Variants in FUT9 observed in about 807,000 individuals in gnomAD.
FUT9 encodes the protein fucosyltransferase 9.
A neutral mutation model predicts 29.7 loss-of-function variants in FUT9; 15 were observed. That is an observed-to-expected ratio of 0.51 (90% CI 0.34 to 0.78). The LOEUF (loss-of-function observed/expected upper bound fraction) is 0.78, where lower values mean the gene tolerates loss of function less well. Among genes scored for constraint, FUT9 ranks in the 30% least tolerant of loss-of-function variants. The probability of loss-of-function intolerance (pLI) is 0.01; values close to 1 mark genes in which losing one functional copy is unlikely to be tolerated. For synonymous variants in FUT9, 169 were observed against 153.7 expected, an observed-to-expected ratio of 1.10 and a Z score of -0.74; for missense variants, 319 against 425.4, an observed-to-expected ratio of 0.75 and a Z score of 2.20.
intron 1 of FUT9, among the ~76,000 whole-genome samples, chr6:96,106,248 T>TTCCTTCCTTCCTTCCTTCCTTCCTTC (rs1562126417): frequency 2.6e-5 from 4 of 151,582 alleles, no homozygotes; most frequent in Admixed American, 6.6e-5. Flanking sequence ...CCTTCCTTCA[T>TTCCTTCCTTCCTTCCTTCCTTCCTTC]CTTCTTAATG....
chr6:96,076,524 C>T (rs920047605), intron 1 of FUT9, among the ~76,000 whole-genome samples: 5 of 152,116 alleles, frequency 3.3e-5, no homozygotes, highest in Non-Finnish European at 1.5e-5. Flanking sequence ...AGCATTTCGC[C>T]ATGTGAGATA....
chr6:96,110,742 A>G (rs1391051337), intron 1 of FUT9, among the ~76,000 whole-genome samples: 1 of 152,014 alleles, frequency 6.6e-6, no homozygotes, highest in Non-Finnish European at 1.5e-5. Flanking sequence ...TATAACCTCA[A>G]ACTCCTGGGC....
chr6:96,016,808 G>A (rs539705087), intron 1 of FUT9, among the ~76,000 whole-genome samples: 2 of 152,296 alleles, frequency 1.3e-5, no homozygotes, highest in African/African-American at 4.8e-5. Flanking sequence ...GACACGCTGT[G>A]ATCCTGGTTT....
At chr6:96,191,125 C>A (rs1024846720) in intron 2 of FUT9, among the ~76,000 whole-genome samples, 3 of 152,034 alleles carry the variant, frequency 2.0e-5, no homozygotes, top group African/African-American at 7.2e-5. Flanking sequence ...ACAGTCAAGA[C>A]CCTCAGCTGC....
At chr6:96,175,333 T>C (rs1773184761) in intron 2 of FUT9, among the ~76,000 whole-genome samples, 1 of 152,190 alleles carries the variant, frequency 6.6e-6, no homozygotes. Context: ...AAGGTAAGGC[T>C]TTGTATTTTT....
intron 2 of FUT9, among the ~76,000 whole-genome samples, chr6:96,137,015 A>G (rs1365458276): frequency 1.3e-5 from 2 of 151,956 alleles, no homozygotes; most frequent in African/African-American, 4.8e-5. Flanking sequence ...AATCTTTGAC[A>G]TTTACCTTTT....
intron 1 of FUT9, among the ~76,000 whole-genome samples, chr6:96,069,610 TA>T (rs1050276361): frequency 5.0e-5 from 5 of 99,392 alleles, no homozygotes; most frequent in Non-Finnish European, 4.4e-5. Flanking sequence ...AACAAACTAT[TA>T]TTTTTTTATT....
chr6:96,061,421 G>T lies in FUT9; in HGVS notation c.-98+45209G>T, dbSNP rs542789003. 2.0e-5 allele frequency among the ~76,000 whole-genome samples: 3 copies of T among 150,428 alleles called. No individual in the cohort carries two copies. In the East Asian group the frequency reaches 5.9e-4, roughly 30 times the overall value. ...TTTTTAGTATTCCTAGTTTCTCATG[G>T]GTATAGTTTTACAAACGCTTTCATT... On this transcript the variant is annotated intron_variant, in intron 1 of 2. Transcript: ENST00000302103.
intron 1 of FUT9, among the ~76,000 whole-genome samples, chr6:96,041,436 G>A (rs1770456994): frequency 6.6e-6 from 1 of 152,076 alleles, no homozygotes; most frequent in Admixed American, 6.6e-5. Context: ...TTCCCTGAAT[G>A]TAAACAGACA....
intron 2 of FUT9, among the ~76,000 whole-genome samples, chr6:96,129,629 A>G (rs1285087798): frequency 6.6e-6 from 1 of 152,076 alleles, no homozygotes. Context: ...AAAAGGATAT[A>G]TGACACACTG....
intron 1 of FUT9, among the ~76,000 whole-genome samples, chr6:96,047,932 A>C (rs555203012): frequency 1.3e-5 from 2 of 152,318 alleles, no homozygotes; most frequent in African/African-American, 4.8e-5. Context: ...TCAGAAGTCC[A>C]ACTCAGGTCT....
Position 96,215,214 on chromosome 6 carries a change from A to G in FUT9, c.*10979A>G, listed in dbSNP as rs1160755392. 6.0e-6 allele frequency: 1 copy of G among 167,048 alleles called. No homozygotes were observed. The highest frequency in any genetic ancestry group is 2.4e-5 in the African/African-American group (1 of 41,448). The allele number at this position is 167,048 out of a possible 1,614,324, so 10.3% of individuals were successfully genotyped here. The stretch of plus-strand genomic sequence containing the variant: ...AAAATCTGTATATTCAGCTATTTGG[A>G]GAACTCGTGTTTTCCACAAATTAAA... On this transcript the variant is annotated 3_prime_UTR_variant, in exon 3 of 3. Transcript: ENST00000302103.
chr6:96,146,586 CT>C (rs1384819977), intron 2 of FUT9, among the ~76,000 whole-genome samples: 1 of 152,020 alleles, frequency 6.6e-6, no homozygotes, highest in Non-Finnish European at 1.5e-5. Flanking sequence ...TTTGCTTTTC[CT>C]TTTTAGAACT....
rs1773804224 is a variant in FUT9, at chr6:96,205,130, A to G, written c.*895A>G. On this transcript the variant is annotated 3_prime_UTR_variant, in exon 3 of 3. Transcript: ENST00000302103. ...ATGTTTAATTATGTATCAATTTAAG[A>G]TTTTTTTCTGAAGCCCTAATATTTA... The G allele has an allele frequency of 1.2e-5, 2 of 166,862 alleles. No individual in the cohort carries two copies. The highest frequency in any genetic ancestry group is 4.8e-5 in the African/African-American group (2 of 41,420). The allele number at this position is 166,862 out of a possible 1,614,324, so 10.3% of individuals were successfully genotyped here.
intron 1 of FUT9, among the ~76,000 whole-genome samples, chr6:96,058,584 G>A (rs561071341): frequency 1.5e-4 from 22 of 151,650 alleles, no homozygotes; most frequent in African/African-American, 5.3e-4. Context: ...AAAGCTAAAT[G>A]CATAATAATT....
intron 1 of FUT9, among the ~76,000 whole-genome samples, chr6:96,045,777 C>T (rs1770552336): frequency 6.6e-6 from 1 of 152,194 alleles, no homozygotes; most frequent in Non-Finnish European, 1.5e-5. Context: ...GAAGTTATCA[C>T]CATGCTGCAA....
chr6:96,173,685 A>G (rs1219951605), intron 2 of FUT9, among the ~76,000 whole-genome samples: 1 of 152,152 alleles, frequency 6.6e-6, no homozygotes, highest in Non-Finnish European at 1.5e-5. Context: ...AGAATTTGGC[A>G]AGATGAAACA....
At chr6:96,099,518 T>A (rs1281958699) in intron 1 of FUT9, among the ~76,000 whole-genome samples, 2 of 152,130 alleles carry the variant, frequency 1.3e-5, no homozygotes, top group Non-Finnish European at 2.9e-5. Context: ...TGCCAATGTT[T>A]CCATTCATAG....
intron 2 of FUT9, among the ~76,000 whole-genome samples, chr6:96,142,750 A>G (rs1161373200): frequency 6.6e-6 from 1 of 152,156 alleles, no homozygotes; most frequent in African/African-American, 2.4e-5. Context: ...GTTTATGCTT[A>G]AAAATATTTT....
Sources: gnomAD v4.1 joint callset for allele counts (sites outside exome capture counted in the v4.1 genomes callset) on GRCh38, gnomAD v4.1.1 for gene constraint, MANE v1.5 for transcripts, NCBI Gene and HGNC (gene_info 2026-07-23, HGNC 2026-07-21) for gene names.